USH2A: variants seen among roughly 807,000 people sequenced by gnomAD.
USH2A encodes usherin.
USH2A carries 443 observed loss-of-function variants against 538.9 expected under a neutral mutation model. The observed-to-expected ratio is 0.82, with a 90% CI of 0.76 to 0.89. The LOEUF is 0.89. USH2A is among the 40% of genes least tolerant of loss of function. The pLI is 0.00. For synonymous variants in USH2A, 2,413 were observed against 2,273.5 expected (o/e 1.06, Z -1.75); for missense variants, 6,633 against 6,324.8 (o/e 1.05, Z -1.65).
chr1:216,159,856 T>C (rs968436249), intron 21 of USH2A, among the ~76,000 whole-genome samples: 3 of 152,138 alleles, frequency 2.0e-5, no homozygotes, highest in South Asian at 4.1e-4. Flanking sequence ...ACCACATAGA[T>C]TTTCTAGATC....
intron 34 of USH2A, among the ~76,000 whole-genome samples, chr1:215,995,908 A>G (rs138332245): frequency 0.016 from 2,375 of 152,220 alleles, 33 homozygotes; most frequent in Non-Finnish European, 0.023. Flanking sequence ...CAAAACTAGC[A>G]TTCTCTTTTT....
chr1:216,125,546 T>C (rs1482929743), intron 21 of USH2A, among the ~76,000 whole-genome samples: 1 of 152,196 alleles, frequency 6.6e-6, no homozygotes, highest in Non-Finnish European at 1.5e-5. Flanking sequence ...TAAACATCAA[T>C]TTTGATTGTG....
chr1:215,771,126 T>TAA (rs5780852), intron 55 of USH2A, among the ~76,000 whole-genome samples: 18 of 134,902 alleles, frequency 1.3e-4, no homozygotes, highest in African/African-American at 4.1e-4. Flanking sequence ...CTAGACTGCC[T>TAA]AAAAAAAAAA....
intron 56 of USH2A, among the ~76,000 whole-genome samples, chr1:215,762,075 A>T (rs1475413006): frequency 6.6e-6 from 1 of 152,182 alleles, no homozygotes; most frequent in Non-Finnish European, 1.5e-5. Flanking sequence ...TCTAAGGAGC[A>T]ATATATTCCT....
intron 30 of USH2A, among the ~76,000 whole-genome samples, chr1:216,054,665 C>T (rs1362259756): frequency 1.3e-5 from 2 of 151,962 alleles, no homozygotes; most frequent in East Asian, 3.9e-4. Context: ...CCTCCCTCCC[C>T]CACCCCACCC....
chr1:216,034,244 G>T (rs1353491959), intron 32 of USH2A, among the ~76,000 whole-genome samples: 1 of 152,030 alleles, frequency 6.6e-6, no homozygotes, highest in East Asian at 1.9e-4. Flanking sequence ...AGAAGGTGAG[G>T]TATCACAGAC....
At chr1:216,069,898 G>C (rs1308732508) in intron 30 of USH2A, among the ~76,000 whole-genome samples, 2 of 152,158 alleles carry the variant, frequency 1.3e-5, no homozygotes, top group African/African-American at 4.8e-5. Flanking sequence ...TTATCCATGA[G>C]AGCCCATGCG....
chr1:216,327,582 T>C lies in USH2A; in HGVS notation c.848+9A>G, dbSNP rs772853223. 1 of 1,613,070 alleles carries C rather than the reference T, an allele frequency of 6.2e-7. No homozygotes were observed. The highest frequency in any genetic ancestry group is 1.1e-5 in the South Asian group (1 of 91,076). On this transcript the variant is annotated intron_variant, in intron 5 of 71. Transcript: ENST00000307340. Reference sequence around the variant, plus strand: ...GGTTCTTGAGGTTTACAATGCAACATCTGCTTACCTGTTTGTAAGTGCCAC... The same window carrying C: ...GGTTCTTGAGGTTTACAATGCAACACCTGCTTACCTGTTTGTAAGTGCCAC...
At chr1:215,966,970 G>A (rs2102455294) in intron 36 of USH2A, among the ~76,000 whole-genome samples, 1 of 152,226 alleles carries the variant, frequency 6.6e-6, no homozygotes, top group South Asian at 2.1e-4. Context: ...TTTGGCAATT[G>A]TACTATTTTG....
chr1:215,786,670 C>G lies in USH2A; in HGVS notation c.10387G>C (p.Asp3463His), dbSNP rs770593429. 6.2e-7 allele frequency: 1 copy of G among 1,613,944 alleles called. No individual in the cohort carries two copies. Among genetic ancestry groups the G allele is most frequent in the Non-Finnish European group, 8.5e-7 (1 of 1,179,882 alleles). ...GGGCAGACAGCTTGCTTTCTGTTACCTGTGTAAGAGTACGTGTTTACACTC... is the reference window on the plus strand; with the variant it reads ...GGGCAGACAGCTTGCTTTCTGTTACGTGTGTAAGAGTACGTGTTTACACTC... ...TGSVNTYSYT[D>H]VNLKPYMTYE... is the part of the protein sequence containing the mutation. Residue 3463 changes from aspartate to histidine, a missense_variant and splice_region_variant, in exon 52 of 72, where the codon GAT (aspartate) becomes CAT (histidine). By Grantham distance (81) the Asp-to-His change is moderately conservative. Coordinates refer to ENST00000307340, the MANE Select transcript of USH2A (RefSeq NM_206933.4).
At chr1:215,781,267 C>A (rs1328287576) in intron 54 of USH2A, among the ~76,000 whole-genome samples, 2 of 152,146 alleles carry the variant, frequency 1.3e-5, no homozygotes, top group Non-Finnish European at 2.9e-5. Context: ...ACATAAAGTG[C>A]CAAGTACTAT....
intron 38 of USH2A, among the ~76,000 whole-genome samples, chr1:215,926,000 A>G (rs1002557920): frequency 6.6e-6 from 1 of 152,200 alleles, no homozygotes; most frequent in Non-Finnish European, 1.5e-5. Context: ...CCTGGGTGAC[A>G]GAGCGAGACT....
chr1:215,774,970 A>G (rs1030512906), intron 55 of USH2A, among the ~76,000 whole-genome samples: 3 of 151,908 alleles, frequency 2.0e-5, no homozygotes, highest in Non-Finnish European at 4.4e-5. Context: ...GAAAAAATGA[A>G]AAGAAAACAA....
At chr1:216,103,079 A>G (rs1334976352) in intron 21 of USH2A, among the ~76,000 whole-genome samples, 1 of 152,238 alleles carries the variant, frequency 6.6e-6, no homozygotes, top group South Asian at 2.1e-4. Flanking sequence ...ACAGGAATAT[A>G]TACTGTATGA....
At chr1:216,123,680 T>G (rs562250124) in intron 21 of USH2A, among the ~76,000 whole-genome samples, 10 of 152,292 alleles carry the variant, frequency 6.6e-5, no homozygotes, top group African/African-American at 2.4e-4. Flanking sequence ...ATGTACACAA[T>G]GGAAATTCAA....
At chr1:216,221,936 T>C (rs906763232) in intron 14 of USH2A, among the ~76,000 whole-genome samples, 3 of 152,162 alleles carry the variant, frequency 2.0e-5, no homozygotes, top group Non-Finnish European at 4.4e-5. Context: ...ATAATATATT[T>C]CTATTTGTTG....
At chr1:215,702,066 C>T (rs1252084465) in intron 61 of USH2A, among the ~76,000 whole-genome samples, 1 of 152,080 alleles carries the variant, frequency 6.6e-6, no homozygotes, top group Admixed American at 6.6e-5. Flanking sequence ...TTCATTTCTC[C>T]TTCACTTTTG....
intron 44 of USH2A, among the ~76,000 whole-genome samples, chr1:215,856,958 A>G (rs1049257397): frequency 2.0e-5 from 3 of 151,932 alleles, no homozygotes; most frequent in Non-Finnish European, 4.4e-5. Flanking sequence ...AAGTGAAGTA[A>G]CTCAGGAATG....
chr1:215,766,921 AAAG>A (rs1311583239), intron 55 of USH2A, 133 bp from the exon 56 acceptor site: 2 of 877,386 alleles, frequency 2.3e-6, no homozygotes, highest in African/African-American at 1.7e-5. Context: ...AACACTCTTT[AAAG>A]AAGGTCTGAA....
Sources: allele counts gnomAD v4.1 joint callset (sites outside exome capture counted in the v4.1 genomes callset), GRCh38; gene constraint gnomAD v4.1.1; transcripts MANE v1.5; gene names NCBI Gene and HGNC (gene_info 2026-07-23, HGNC 2026-07-21).